ABR: variants seen among roughly 807,000 people sequenced by gnomAD.
ABR encodes the protein active breakpoint cluster region-related protein.
In ABR, 35 loss-of-function variants were observed where a neutral mutation model predicts 107.2. The observed-to-expected ratio is 0.33, with a 90% CI of 0.25 to 0.43. The LOEUF is 0.43. ABR is among the 20% of genes least tolerant of loss of function. ABR has a pLI of 1.00. For synonymous variants in ABR, 498 were observed against 462.0 expected, an observed-to-expected ratio of 1.08 and a Z score of -1.00; for missense variants, 815 against 1,115.2, an observed-to-expected ratio of 0.73 and a Z score of 3.83.
chr17:1,010,651 C>T lies in ABR; in HGVS notation c.2236+78G>A, dbSNP rs1567560587. On this transcript the variant is annotated intron_variant, in intron 20 of 22. Coordinates refer to ENST00000302538, the MANE Select transcript of ABR (RefSeq NM_021962.5). This position sits in a 1 kb window ranked among gnomAD's most constrained non-coding sequence, Gnocchi z 4.1. Reference sequence around the variant, plus strand: ...AGCAAAGGAAGCCACAGATATTTCTCCTGCTGGTTACTTCTCCGGGCAGGG... The same window carrying T: ...AGCAAAGGAAGCCACAGATATTTCTTCTGCTGGTTACTTCTCCGGGCAGGG... 1 of 1,562,764 alleles carries T rather than the reference C, an allele frequency of 6.4e-7. No homozygotes were observed. Among genetic ancestry groups the T allele is most frequent in the Non-Finnish European group, 8.7e-7 (1 of 1,152,358 alleles).
At chr17:1,019,274 T>C (rs1394136396) in intron 16 of ABR, among the ~76,000 whole-genome samples, 1 of 152,170 alleles carries the variant, frequency 6.6e-6, no homozygotes, top group Admixed American at 6.5e-5. Context: ...CAGGTCACAG[T>C]GGGAAACTTT....
At chr17:1,215,671 A>G (rs558157769) in intron 1 of ABR, among the ~76,000 whole-genome samples, 7 of 152,268 alleles carry the variant, frequency 4.6e-5, no homozygotes, top group African/African-American at 1.7e-4. Context: ...CCCGTCTGGG[A>G]GGTGTACCCA....
At chr17:1,079,232 C>G in intron 6 of ABR, 98 bp downstream of exon 6, 5 of 1,528,338 alleles carry the variant, frequency 3.3e-6, no homozygotes, top group Non-Finnish European at 4.4e-6. Flanking sequence ...CTCACACACA[C>G]GCACACACAA....
In ABR at chr17:1,157,533, G is replaced by A. The variant is rs980447938; in HGVS notation, c.61+22134C>T. ...CCCAAAGTGCTGGGATTACAGGCGTGAGCCACCGCGCCCGACCTCAGTGCA... is the reference window on the plus strand; with the variant it reads ...CCCAAAGTGCTGGGATTACAGGCGTAAGCCACCGCGCCCGACCTCAGTGCA... On this transcript the variant is annotated intron_variant, in intron 1 of 22. Coordinates refer to ENST00000302538, the MANE Select transcript of ABR (RefSeq NM_021962.5). The surrounding 1 kb of genome is among the most constrained non-coding windows in gnomAD (Gnocchi z 4.7). Among the ~76,000 whole-genome samples, 2 of 152,178 alleles carry A rather than the reference G, an allele frequency of 1.3e-5. No individual in the cohort carries two copies. The highest frequency in any genetic ancestry group is 4.8e-5 in the African/African-American group (2 of 41,456).
In ABR at chr17:1,125,346, T is replaced by G; in HGVS notation, c.83A>C (p.Glu28Ala). ...CTCCTCATTCCCCTCTCCGTCGTACTCGTCCGTCCCGTAGCTGAAGTCTGA... is the reference window on the plus strand; with the variant it reads ...CTCCTCATTCCCCTCTCCGTCGTACGCGTCCGTCCCGTAGCTGAAGTCTGA... ...LYSNFSYGTD[E>A]YDGEGNEEQK... The change falls in exon 2 of 23, where the codon GAG becomes GCG. Residue 28 changes from glutamate to alanine, a missense_variant. Around this residue, in one of 5 missense-constraint regions of ABR, gnomAD observed 129 missense variants for 124.8 expected, o/e 1.03. Coordinates refer to ENST00000302538, the MANE Select transcript of ABR (RefSeq NM_021962.5). 6.2e-7 allele frequency: 1 copy of G among 1,613,826 alleles called. No homozygotes were observed. Among genetic ancestry groups the G allele is most frequent in the Non-Finnish European group, 8.5e-7 (1 of 1,179,990 alleles).
rs1222752565 is a variant in ABR, at chr17:1,027,973, A to G, written c.1792-14809T>C. ...GATGGCCAAGTGAGTGGTAGAGTGA[A>G]CCTCTGGGGTGTGCACGTGGTCTGC... is the stretch of plus-strand genomic sequence containing the variant. On this transcript the variant is annotated intron_variant, in intron 16 of 22. Transcript: ENST00000302538. The surrounding 1 kb of genome is among the most constrained non-coding windows in gnomAD (Gnocchi z 4.7). 1.3e-5 allele frequency among the ~76,000 whole-genome samples: 2 copies of G among 151,716 alleles called. No homozygotes were observed. Among genetic ancestry groups the G allele is most frequent in the Non-Finnish European group, 1.5e-5 (1 of 67,950 alleles).
At chr17:1,025,119 CAA>C (rs71272843) in intron 16 of ABR, among the ~76,000 whole-genome samples, 379 of 37,692 alleles carry the variant, frequency 0.01, 17 homozygotes, top group African/African-American at 0.03. Context: ...GACTCCGTCT[CAA>C]AAAAAAAAAA....
upstream of ABR, among the ~76,000 whole-genome samples, chr17:1,183,961 A>G (rs559158115): frequency 2.2e-4 from 34 of 152,342 alleles, no homozygotes; most frequent in Middle Eastern, 3.4e-3. Flanking sequence ...CTGTAATCCC[A>G]GCACTTTGGG....
At chr17:1,182,486 G>A (rs1033067319), upstream of ABR, among the ~76,000 whole-genome samples, 5 of 152,138 alleles carry the variant, frequency 3.3e-5, no homozygotes, top group Non-Finnish European at 5.9e-5. Context: ...TCTTGCCTCA[G>A]CCTCCCGAGT....
intron 3 of ABR, among the ~76,000 whole-genome samples, chr17:1,094,474 G>A (rs976383791): frequency 7.9e-5 from 12 of 151,444 alleles, no homozygotes; most frequent in African/African-American, 7.3e-5. Flanking sequence ...AGGTTCAAGC[G>A]ATTCTCCTGC....
At chr17:1,031,578 C>T in intron 16 of ABR, 3 of 1,114,220 alleles carry the variant, frequency 2.7e-6, no homozygotes, top group Non-Finnish European at 3.4e-6. Flanking sequence ...CCCCCCGGAA[C>T]CTCCAGCCCC....
intron 6 of ABR, 55 bp from the exon 7 acceptor site, chr17:1,073,732 A>G (rs1567705189): frequency 1.3e-6 from 2 of 1,500,268 alleles, no homozygotes; most frequent in Non-Finnish European, 1.8e-6. Context: ...GGGCAACCCA[A>G]CACCCCAGAG....
At chr17:1,185,354 T>C (rs528984479) in intron 1 of ABR, among the ~76,000 whole-genome samples, 1 of 152,192 alleles carries the variant, frequency 6.6e-6, no homozygotes, top group East Asian at 1.9e-4. Context: ...GTAGACAGTA[T>C]GCGCCCAGGG....
chr17:1,212,627 C>T (rs1213465579), intron 1 of ABR, among the ~76,000 whole-genome samples: 7 of 152,052 alleles, frequency 4.6e-5, no homozygotes, highest in African/African-American at 1.7e-4. Flanking sequence ...TGGTGGCTCA[C>T]GCCTGTAATC....
chr17:1,005,059 G>C lies in ABR; in HGVS notation c.*1021C>G. On this transcript the variant is annotated 3_prime_UTR_variant, in exon 23 of 23. Coordinates refer to ENST00000302538, the MANE Select transcript of ABR (RefSeq NM_021962.5). ...CCCCCACAACTTGCTCCTAAGAGCT[G>C]AGCTGCCTCCCCGCGACCCGGGACA... 2.5e-6 allele frequency: 1 copy of C among 398,928 alleles called. No individual in the cohort carries two copies. The allele number at this position is 398,928 out of a possible 1,614,324, so 24.7% of individuals were successfully genotyped here. A position where few individuals can be genotyped will look rare whatever the true frequency, so the allele number is the denominator to read the frequency against.
At position 1,011,144 on chromosome 17, in the gene ABR, C is replaced by T. The variant is rs1192417513; in HGVS notation, c.2102-281G>A. ...CCCAGAGTTCAGAGCCACATTCATA[C>T]CATGTGGCCTGCAGCTTCCTTCCGA... On this transcript the variant is annotated intron_variant, in intron 19 of 22. Transcript: ENST00000302538. The surrounding 1 kb of genome is among the most constrained non-coding windows in gnomAD (Gnocchi z 4.8). The T allele has an allele frequency of 4.4e-6, 2 of 455,254 alleles. No homozygotes were observed. The highest frequency in any genetic ancestry group is 4.2e-5 in the East Asian group (1 of 23,842). The allele number at this position is 455,254 out of a possible 1,614,324, so 28.2% of individuals were successfully genotyped here.
chr17:1,196,696 CTTT>C (rs377678872), intron 1 of ABR, among the ~76,000 whole-genome samples: 7 of 134,858 alleles, frequency 5.2e-5, no homozygotes, highest in Admixed American at 7.7e-5. Context: ...TCCAACCTTC[CTTT>C]TTTTTTTTTT....
chr17:1,193,076 C>G (rs2042471750), intron 1 of ABR, among the ~76,000 whole-genome samples: 1 of 152,014 alleles, frequency 6.6e-6, no homozygotes, highest in African/African-American at 2.4e-5. Flanking sequence ...AAAACAAAAA[C>G]TTGCACAGAG....
chr17:1,100,865 C>A, intron 2 of ABR, 130 bp from the exon 3 acceptor site: 1 of 863,262 alleles, frequency 1.2e-6, no homozygotes, highest in South Asian at 1.5e-5. Flanking sequence ...GCTCTGTCAC[C>A]TAGGCTGAAG....
Sources: allele counts gnomAD v4.1 joint callset (sites outside exome capture counted in the v4.1 genomes callset), GRCh38; gene constraint gnomAD v4.1.1; regional missense constraint gnomAD v4.1.1; non-coding constraint Gnocchi (gnomAD v3.1); transcripts MANE v1.5; gene names NCBI Gene and HGNC (gene_info 2026-07-23, HGNC 2026-07-21).